The following VPS37C variants were observed in gnomAD, a reference collection of about 807,000 sequenced individuals.
VPS37C encodes the protein VPS37C subunit of ESCRT-I.
Under a neutral mutation model 16.1 loss-of-function variants are expected in VPS37C, and 9 were observed. The observed-to-expected ratio is 0.56, with a 90% CI of 0.34 to 0.97. VPS37C has a LOEUF of 0.97. VPS37C is among the 50% of genes least tolerant of loss of function. VPS37C has a pLI of 0.02. For missense variants in VPS37C, 479 were observed against 472.7 expected (o/e 1.01, Z -0.12); for synonymous variants, 207 against 206.4 (o/e 1.00, Z -0.02).
At chr11:61,150,235 A>C (rs1383279611) in intron 1 of VPS37C, among the ~76,000 whole-genome samples, 1 of 151,954 alleles carries the variant, frequency 6.6e-6, no homozygotes, top group East Asian at 1.9e-4. Flanking sequence ...TCCAATCACC[A>C]AGTTTTAGCT....
At chr11:61,155,152 A>T (rs1853359527) in intron 1 of VPS37C, among the ~76,000 whole-genome samples, 1 of 150,214 alleles carries the variant, frequency 6.7e-6, no homozygotes, top group Non-Finnish European at 1.5e-5. Flanking sequence ...AAGCAGTTAT[A>T]AGGAGAAAAG....
intron 4 of VPS37C, chr11:61,132,902 C>A: frequency 1.9e-6 from 1 of 525,084 alleles, no homozygotes; most frequent in Non-Finnish European, 3.4e-6. Context: ...GAGTGGACAG[C>A]ACCAGTTTGC....
At position 61,160,190 on chromosome 11, in the gene VPS37C, G is replaced by A. The variant is rs78824856; in HGVS notation, c.-7+1201C>T. 4.4e-3 allele frequency among the ~76,000 whole-genome samples: 668 copies of A among 152,250 alleles called. 5 individuals carry two copies. Among genetic ancestry groups the A allele is most frequent in the African/African-American group, 0.015 (615 of 41,544 alleles). On this transcript the variant is annotated intron_variant, in intron 1 of 4. Transcript: ENST00000301765. ...TACTTAATGGAAATTACAAAGGCAC[G>A]GAACCACATTTCCAAGATAATCTAG...
In VPS37C at chr11:61,132,334, C is replaced by T. The variant is rs761843001; in HGVS notation, c.554G>A (p.Gly185Glu). Reference sequence around the variant, plus strand: ...CTGCTCTTCAACCACAGGGGGTGTTCCCTGGGGGACTGGGCGCACCGGGGG... The same window carrying T: ...CTGCTCTTCAACCACAGGGGGTGTTTCCTGGGGGACTGGGCGCACCGGGGG... ...PPPPVRPVPQ[G>E]TPPVVEEQPQ... Residue 185 changes from glycine to glutamate, a missense_variant, in exon 5 of 5, where the codon GGA becomes GAA. Physicochemically the swap from Gly to Glu is moderately conservative, Grantham distance 98. Transcript: ENST00000301765. 3.1e-6 allele frequency: 5 copies of T among 1,600,734 alleles called. No homozygotes were observed. The South Asian group carries it at 3.3e-5, about 11-fold the overall frequency.
At chr11:61,150,559 T>TG (rs113747266) in intron 1 of VPS37C, among the ~76,000 whole-genome samples, 239 of 149,888 alleles carry the variant, frequency 1.6e-3, no homozygotes, top group African/African-American at 5.5e-3. Flanking sequence ...GGAGTTTTGT[T>TG]TTTTTTTTTT....
intron 1 of VPS37C, among the ~76,000 whole-genome samples, chr11:61,153,634 C>T (rs1405127165): frequency 6.6e-6 from 1 of 152,188 alleles, no homozygotes; most frequent in Non-Finnish European, 1.5e-5. Context: ...GGACATCAGA[C>T]AGCACAGACC....
rs767303246 is a variant in VPS37C at position 61,130,476 on chromosome 11, TCC to T, written c.*1342_*1343del. ...AGGGGCAGGCACCAGAAGGTCAAGG[TCC>T]CTCCTTGGCCCCAGCAGCCCCGGGC... On this transcript the variant is annotated 3_prime_UTR_variant, in exon 5 of 5. Coordinates refer to ENST00000301765, the MANE Select transcript of VPS37C (RefSeq NM_017966.5). The T allele has an allele frequency of 5.8e-4, 110 of 189,836 alleles. No homozygotes were observed. Among genetic ancestry groups the T allele is most frequent in the Non-Finnish European group, 1.6e-4 (15 of 92,468 alleles). 11.8% of individuals were successfully genotyped at this position (189,836 alleles called of 1,614,324 possible). A position where few individuals can be genotyped will look rare whatever the true frequency, so the allele number is the denominator to read the frequency against.
rs530045172 is a variant in VPS37C at position 61,138,956 on chromosome 11, G to A, written c.-6-121C>T. 311 of 896,136 alleles carry A rather than the reference G, an allele frequency of 3.5e-4. No individual in the cohort carries two copies. The African/African-American group carries it at 4.2e-3, about 12-fold the overall frequency. 55.5% of individuals were successfully genotyped at this position (896,136 alleles called of 1,614,324 possible). ...TTTCCTGCGATAATACCACTCCACC[G>A]GGAGGCTCGAGGAGAGGCAGAAATC... On this transcript the variant is annotated intron_variant, in intron 1 of 4. Transcript: ENST00000301765.
chr11:61,143,362 ATTTTTTTTTTTTTTTTTTTT>A (rs779076399), intron 1 of VPS37C: 12 of 52,246 alleles, frequency 2.3e-4, no homozygotes, highest in Non-Finnish European at 3.2e-4. Flanking sequence ...AGGATTCTTA[ATTTTTTTTTTTTTTTTTTTT>A]TTTTTTTTTT....
intron 4 of VPS37C, 143 bp downstream of exon 4, chr11:61,133,112 G>A (rs1861302640): frequency 2.2e-6 from 2 of 902,124 alleles, no homozygotes; most frequent in Non-Finnish European, 3.5e-6. Context: ...GCCTCCCCAG[G>A]ACTAAAGATG....
At chr11:61,134,255 A>T in intron 2 of VPS37C, 48 bp from the exon 3 acceptor site, 1 of 1,576,984 alleles carries the variant, frequency 6.3e-7, no homozygotes, top group Non-Finnish European at 8.6e-7. Context: ...CATCACCCTT[A>T]ACCTCCTGGC....
intron 1 of VPS37C, among the ~76,000 whole-genome samples, chr11:61,159,492 T>C (rs1281867212): frequency 1.3e-5 from 2 of 152,114 alleles, no homozygotes; most frequent in Non-Finnish European, 2.9e-5. Flanking sequence ...ATAAGACTGA[T>C]GGGTTACAAA....
intron 1 of VPS37C, among the ~76,000 whole-genome samples, chr11:61,160,923 TAAGTCACAGAGCA>T (rs1209104297): frequency 6.6e-6 from 1 of 152,170 alleles, no homozygotes; most frequent in Non-Finnish European, 1.5e-5. Flanking sequence ...CACAAGCCAG[TAAGTCACAGAGCA>T]AAGTCCCTCC....
intron 1 of VPS37C, among the ~76,000 whole-genome samples, chr11:61,151,168 C>T (rs372665830): frequency 1.3e-5 from 2 of 152,354 alleles, no homozygotes; most frequent in African/African-American, 4.8e-5. Context: ...TCTACATCCA[C>T]AGAACACCAG....
chr11:61,138,495 C>T (rs1462973815), intron 2 of VPS37C: 1 of 515,162 alleles, frequency 1.9e-6, no homozygotes, highest in Non-Finnish European at 3.5e-6. Flanking sequence ...AGTGTGGGGA[C>T]TCCTGGGGTA....
intron 1 of VPS37C, among the ~76,000 whole-genome samples, chr11:61,150,106 C>A (rs1196791834): frequency 2.0e-5 from 3 of 151,766 alleles, no homozygotes; most frequent in Non-Finnish European, 2.9e-5. Context: ...TCCTAGATCT[C>A]CACTCCTCTC....
chr11:61,142,807 G>A (rs1475965968), intron 1 of VPS37C, among the ~76,000 whole-genome samples: 4 of 49,474 alleles, frequency 8.1e-5, no homozygotes, highest in Non-Finnish European at 1.4e-4. Flanking sequence ...ACTCTAAGGG[G>A]TGGGGGGAGG....
chr11:61,133,227 G>A (rs947038278), intron 4 of VPS37C, 28 bp downstream of exon 4: 4 of 1,608,114 alleles, frequency 2.5e-6, no homozygotes, highest in Non-Finnish European at 3.4e-6. Flanking sequence ...CCCGTCCAGG[G>A]AAGAGGGGTG....
In VPS37C at chr11:61,132,008, G is replaced by C; in HGVS notation, c.880C>G (p.Pro294Ala). Residue 294 changes from proline to alanine, a missense_variant, in exon 5 of 5, where the codon CCT becomes GCT. By Grantham distance (27) the Pro-to-Ala change is conservative. Coordinates refer to ENST00000301765, the MANE Select transcript of VPS37C (RefSeq NM_017966.5). Reference sequence around the variant, plus strand: ...TATGGGGACTGTTGAGGATAACCAGGACTGGGGGCCCTGCCTCCCCGCAAG... The same window carrying C: ...TATGGGGACTGTTGAGGATAACCAGCACTGGGGGCCCTGCCTCCCCGCAAG... ...YPLRGGRAPS[P>A]GYPQQSPYPA... The C allele has an allele frequency of 7.3e-7, 1 of 1,376,984 alleles. No individual in the cohort carries two copies. The highest frequency in any genetic ancestry group is 9.4e-7 in the Non-Finnish European group (1 of 1,061,390). The allele number at this position is 1,376,984 out of a possible 1,614,324, so 85.3% of individuals were successfully genotyped here. A position where few individuals can be genotyped will look rare whatever the true frequency, so the allele number is the denominator to read the frequency against.
Sources: allele counts gnomAD v4.1 joint callset (sites outside exome capture counted in the v4.1 genomes callset), GRCh38; gene constraint gnomAD v4.1.1; transcripts MANE v1.5; gene names NCBI Gene and HGNC (gene_info 2026-07-23, HGNC 2026-07-21).